Variants in TMCO4 observed in about 807,000 individuals in gnomAD.
TMCO4 encodes transmembrane and coiled-coil domains 4, also known as transmembrane and coiled-coil domain-containing protein 4.
Under a neutral mutation model 64.7 loss-of-function variants are expected in TMCO4, and 58 were observed. The observed-to-expected ratio is 0.90, with a 90% CI of 0.73 to 1.12. The LOEUF is 1.12. Ranked by LOEUF, TMCO4 falls within the 50% of genes most tolerant of loss-of-function variation. The pLI is 0.00. For synonymous variants in TMCO4, 325 were observed against 346.1 expected, an observed-to-expected ratio of 0.94 and a Z score of 0.68; for missense variants, 780 against 825.9, an observed-to-expected ratio of 0.94 and a Z score of 0.68.
chr1:19,791,631 T>C (rs141985956), intron 2 of TMCO4, among the ~76,000 whole-genome samples: 17 of 152,326 alleles, frequency 1.1e-4, no homozygotes, highest in African/African-American at 3.6e-4. Context: ...GTCTGAGAAG[T>C]TACACTGATT....
chr1:19,698,950 A>C (rs1032986038), intron 14 of TMCO4, among the ~76,000 whole-genome samples: 1 of 152,228 alleles, frequency 6.6e-6, no homozygotes, highest in African/African-American at 2.4e-5. Context: ...TAATCCCAGC[A>C]CTTTGGGAGG....
intron 2 of TMCO4, among the ~76,000 whole-genome samples, chr1:19,788,959 CA>C (rs2043884753): frequency 6.6e-6 from 1 of 151,930 alleles, no homozygotes; most frequent in South Asian, 2.1e-4. Context: ...CCTGTAGTCC[CA>C]GCTACTCAGG....
chr1:19,683,094 C>T lies in TMCO4; in HGVS notation c.1851G>A (p.Leu617=), dbSNP rs149260020. 738 of 1,610,302 alleles carry T rather than the reference C, an allele frequency of 4.6e-4. No individual in the cohort carries two copies. The highest frequency in any genetic ancestry group is 6.1e-4 in the Non-Finnish European group (719 of 1,178,390). Residue 617 remains leucine, a synonymous_variant, in exon 16 of 16, where the codon CTG becomes CTA. Transcript: ENST00000294543. Reference sequence around the variant, plus strand: ...TCTTGCAGGCACAATCGGGGCAGCCCAGTGGGTTGGGGTCCATGCCATGGC... The same window carrying T: ...TCTTGCAGGCACAATCGGGGCAGCCTAGTGGGTTGGGGTCCATGCCATGGC... The part of the protein sequence containing the change: ...ICSHGMDPNP[L]GCPDCACKTQ...
chr1:19,744,263 C>T (rs1277221299), intron 10 of TMCO4, among the ~76,000 whole-genome samples: 1 of 152,090 alleles, frequency 6.6e-6, no homozygotes, highest in Non-Finnish European at 1.5e-5. Context: ...AACAAGTGGA[C>T]CATGGTGTGA....
intron 15 of TMCO4, among the ~76,000 whole-genome samples, chr1:19,688,502 A>G (rs2095167440): frequency 6.6e-6 from 1 of 152,188 alleles, no homozygotes; most frequent in African/African-American, 2.4e-5. Flanking sequence ...TTCCTCATGT[A>G]TAAAATGAGG....
At chr1:19,786,862 C>G (rs1189575151) in intron 3 of TMCO4, among the ~76,000 whole-genome samples, 164 bp downstream of exon 3, 2 of 152,104 alleles carry the variant, frequency 1.3e-5, no homozygotes, top group East Asian at 1.9e-4. Context: ...ATCTAATAAA[C>G]ACGTATTAGC....
At chr1:19,768,119 T>C in intron 6 of TMCO4, among the ~76,000 whole-genome samples, 1 of 145,414 alleles carries the variant, frequency 6.9e-6, no homozygotes, top group South Asian at 2.2e-4. Flanking sequence ...AAAAAGAGGA[T>C]CATCCAAGTT....
At position 19,683,199 on chromosome 1, in the gene TMCO4, G is replaced by T; in HGVS notation, c.1746C>A (p.Ala582=). 1.2e-6 allele frequency: 2 copies of T among 1,614,222 alleles called. No individual in the cohort carries two copies. The highest frequency in any genetic ancestry group is 1.7e-6 in the Non-Finnish European group (2 of 1,180,034). The change falls in exon 16 of 16, where the codon GCC becomes GCA. Residue 582 remains alanine (A), a synonymous_variant. Coordinates refer to ENST00000294543, the MANE Select transcript of TMCO4 (RefSeq NM_181719.7). ...KLAMSTDPSQ[A]QVPVGLDQSE... ...ACTGGTCCAGCCCTACTGGCACCTGGGCTTGGCTGGGGTCTGTGGACATGG... is the reference window on the plus strand; with the variant it reads ...ACTGGTCCAGCCCTACTGGCACCTGTGCTTGGCTGGGGTCTGTGGACATGG...
At chr1:19,709,290 G>GT (rs1553129879) in intron 13 of TMCO4, among the ~76,000 whole-genome samples, 1 of 70,506 alleles carries the variant, frequency 1.4e-5, no homozygotes, top group South Asian at 5.1e-4. Flanking sequence ...TCCCGGCGGG[G>GT]GGGGGGGACC....
chr1:19,727,246 C>T (rs1425498567), intron 13 of TMCO4, among the ~76,000 whole-genome samples: 2 of 152,176 alleles, frequency 1.3e-5, no homozygotes, highest in African/African-American at 4.8e-5. Context: ...CATGTTAGGA[C>T]AGGACGTGCA....
chr1:19,785,861 T>C (rs928692646), intron 3 of TMCO4, among the ~76,000 whole-genome samples: 1 of 152,126 alleles, frequency 6.6e-6, no homozygotes, highest in African/African-American at 2.4e-5. Context: ...GGCTACTGTA[T>C]GTGGATGAAA....
intron 5 of TMCO4, 69 bp downstream of exon 5, chr1:19,771,239 T>C: frequency 6.5e-7 from 1 of 1,537,366 alleles, no homozygotes; most frequent in Non-Finnish European, 8.8e-7. Context: ...AGTGATTTTT[T>C]AGGCTAACAT....
At chr1:19,707,895 G>A (rs951866719) in intron 13 of TMCO4, among the ~76,000 whole-genome samples, 5 of 152,190 alleles carry the variant, frequency 3.3e-5, no homozygotes, top group African/African-American at 1.2e-4. Context: ...AGGAGAGAGA[G>A]TGAAGGGGAA....
chr1:19,747,561 C>A (rs1463843971), intron 7 of TMCO4, among the ~76,000 whole-genome samples: 1 of 152,156 alleles, frequency 6.6e-6, no homozygotes, highest in African/African-American at 2.4e-5. Context: ...CAAAAAAGAT[C>A]TTTAAACAGA....
chr1:19,788,649 C>A (rs568935615), intron 2 of TMCO4, among the ~76,000 whole-genome samples: 22 of 152,230 alleles, frequency 1.4e-4, no homozygotes, highest in African/African-American at 5.1e-4. Context: ...ACACTGGCAG[C>A]CCGAGATTGG....
At chr1:19,698,440 C>T (rs1299034446) in intron 14 of TMCO4, among the ~76,000 whole-genome samples, 1 of 152,214 alleles carries the variant, frequency 6.6e-6, no homozygotes, top group African/African-American at 2.4e-5. Flanking sequence ...GGCAGCAGTG[C>T]TATCACCTCA....
chr1:19,775,522 G>C (rs2294631), intron 4 of TMCO4, among the ~76,000 whole-genome samples: 24,368 of 152,186 alleles, frequency 0.16, 2,438 homozygotes, highest in East Asian at 0.35. Flanking sequence ...GCCATATCTT[G>C]CCTGCAGCCC....
chr1:19,771,038 A>G (rs922404746), intron 5 of TMCO4, among the ~76,000 whole-genome samples: 2 of 152,208 alleles, frequency 1.3e-5, no homozygotes, highest in African/African-American at 4.8e-5. Flanking sequence ...CTCAACTATG[A>G]AATGGGGATG....
chr1:19,726,711 A>T (rs1291979952), intron 13 of TMCO4, among the ~76,000 whole-genome samples: 1 of 152,086 alleles, frequency 6.6e-6, no homozygotes, highest in Non-Finnish European at 1.5e-5. Context: ...CCACACCTCC[A>T]CGCAGGTGGT....
Sources: gnomAD v4.1 joint callset for allele counts (sites outside exome capture counted in the v4.1 genomes callset) on GRCh38, gnomAD v4.1.1 for gene constraint, MANE v1.5 for transcripts, NCBI Gene and HGNC (gene_info 2026-07-23, HGNC 2026-07-21) for gene names.